The following TRIM33 variants were observed in gnomAD, a reference collection of about 807,000 sequenced individuals.
The protein encoded by TRIM33 is E3 ubiquitin-protein ligase TRIM33.
TRIM33 carries 20 observed loss-of-function variants against 125.4 expected under a neutral mutation model. That is an observed-to-expected ratio of 0.16 (90% CI 0.11 to 0.23). TRIM33 has a LOEUF of 0.23. TRIM33 is among the 10% of genes least tolerant of loss of function. The pLI is 1.00. For missense variants in TRIM33, 920 were observed against 1,411.4 expected (o/e 0.65, Z 5.58); for synonymous variants, 564 against 513.9 (o/e 1.10, Z -1.32).
chr1:114,460,210 T>C (rs887706959), intron 4 of TRIM33: 2 of 208,720 alleles, frequency 9.6e-6, no homozygotes, highest in African/African-American at 2.3e-5. Context: ...GGCACAACTG[T>C]CCACGTAGGC....
intron 1 of TRIM33, among the ~76,000 whole-genome samples, chr1:114,502,932 A>G (rs539091320): frequency 6.6e-6 from 1 of 152,328 alleles, no homozygotes; most frequent in Non-Finnish European, 1.5e-5. Context: ...TTAATAGAAT[A>G]TGGCTGGATA....
At chr1:114,501,235 G>A (rs1473707954) in intron 1 of TRIM33, among the ~76,000 whole-genome samples, 1 of 151,874 alleles carries the variant, frequency 6.6e-6, no homozygotes, top group Admixed American at 6.6e-5. Flanking sequence ...GACTTGGCAG[G>A]CAGTTCTGGC....
chr1:114,468,283 C>G (rs1361682203), intron 1 of TRIM33: 1 of 253,558 alleles, frequency 3.9e-6, no homozygotes, highest in South Asian at 4.3e-5. Flanking sequence ...TGTCTGACTT[C>G]CTGTCTGTGC....
At chr1:114,436,467 T>A (rs7516386) in intron 4 of TRIM33, among the ~76,000 whole-genome samples, 1 of 148,330 alleles carries the variant, frequency 6.7e-6, no homozygotes, top group South Asian at 2.1e-4. Context: ...TTTCAGAGAG[T>A]TTTTTTGTTT....
At chr1:114,434,781 C>G (rs6690560) in intron 4 of TRIM33, among the ~76,000 whole-genome samples, 53,620 of 152,030 alleles carry the variant, frequency 0.35, 10,148 homozygotes, top group African/African-American at 0.46. Context: ...ATATAATTCA[C>G]GTATATATAA....
chr1:114,479,056 C>CA (rs1452077874), intron 1 of TRIM33, among the ~76,000 whole-genome samples: 2 of 151,372 alleles, frequency 1.3e-5, no homozygotes, highest in African/African-American at 2.4e-5. Flanking sequence ...TCTCAAAAAA[C>CA]AAAAAAAGAT....
chr1:114,479,797 G>A (rs963688641), intron 1 of TRIM33, among the ~76,000 whole-genome samples: 3 of 152,154 alleles, frequency 2.0e-5, no homozygotes, highest in Non-Finnish European at 4.4e-5. Flanking sequence ...ATAATTAGCC[G>A]CCCCATCCAG....
At chr1:114,421,239 G>A (rs536488673) in intron 11 of TRIM33, among the ~76,000 whole-genome samples, 197 bp downstream of exon 11, 265 of 152,180 alleles carry the variant, frequency 1.7e-3, no homozygotes, top group African/African-American at 5.7e-3. Context: ...GAGGGTAGGC[G>A]GGGAATGCGG....
In TRIM33 at chr1:114,402,751, G is replaced by T. The variant is rs918587547; in HGVS notation, c.2892+9C>A. 1.2e-6 allele frequency: 2 copies of T among 1,609,186 alleles called. No homozygotes were observed. Among genetic ancestry groups the T allele is most frequent in the Admixed American group, 1.7e-5 (1 of 58,678 alleles). On this transcript the variant is annotated intron_variant, in intron 16 of 19. Coordinates refer to ENST00000358465, the MANE Select transcript of TRIM33 (RefSeq NM_015906.4). ...ATCCCAGTGACAAATCAACTTATTT[G>T]ACACTTACCCTTTGGTCCACGGGGC...
intron 1 of TRIM33, among the ~76,000 whole-genome samples, chr1:114,466,829 G>C (rs1006267101): frequency 2.6e-5 from 4 of 152,188 alleles, no homozygotes; most frequent in Non-Finnish European, 4.4e-5. Flanking sequence ...CTGACCTCAG[G>C]TGACCGATCT....
At chr1:114,473,634 G>A (rs541467796) in intron 1 of TRIM33, among the ~76,000 whole-genome samples, 4 of 152,026 alleles carry the variant, frequency 2.6e-5, no homozygotes, top group Non-Finnish European at 5.9e-5. Context: ...GCATGTGATC[G>A]AAAAAGATTG....
chr1:114,492,492 C>T (rs560062890), intron 1 of TRIM33, among the ~76,000 whole-genome samples: 3 of 151,952 alleles, frequency 2.0e-5, no homozygotes, highest in Non-Finnish European at 4.4e-5. Context: ...TTTTCAAAAC[C>T]TTTTATCATC....
intron 1 of TRIM33, among the ~76,000 whole-genome samples, chr1:114,480,441 C>G (rs1369048621): frequency 7.0e-6 from 1 of 142,906 alleles, no homozygotes; most frequent in Non-Finnish European, 1.5e-5. Flanking sequence ...CCTGCCAAAT[C>G]CCCCTCTGCG....
At chr1:114,402,267 T>A (rs1217734079) in intron 16 of TRIM33, among the ~76,000 whole-genome samples, 2 of 152,188 alleles carry the variant, frequency 1.3e-5, no homozygotes, top group African/African-American at 2.4e-5. Context: ...GAACACTGTT[T>A]AATACAGAAA....
chr1:114,474,824 G>C (rs1055734529), intron 1 of TRIM33, among the ~76,000 whole-genome samples: 1 of 151,132 alleles, frequency 6.6e-6, no homozygotes, highest in African/African-American at 2.4e-5. Flanking sequence ...CCCAGGAGGT[G>C]GAGGTTGTGG....
In TRIM33 at chr1:114,424,723, T is replaced by G; in HGVS notation, c.1728A>C (p.Gln576His). The change falls in exon 10 of 20, where the codon CAA (glutamine) becomes CAC (histidine). Residue 576 changes from glutamine (Q) to histidine (H), a missense_variant. This residue lies in a region of TRIM33 where 407 missense variants were observed against 589.7 expected (regional missense o/e 0.69). Coordinates refer to ENST00000358465, the MANE Select transcript of TRIM33 (RefSeq NM_015906.4). Reference sequence around the variant, plus strand: ...AAGCTCCACAGTTCATGTTGCCTCTTTGCATTGTTTGCACACTGATCAATC... The same window carrying G: ...AAGCTCCACAGTTCATGTTGCCTCTGTGCATTGTTTGCACACTGATCAATC... ...PPRLISVQTM[Q>H]RGNMNCGAFQ... is the part of the protein sequence containing the mutation. 1 of 1,605,232 alleles carries G rather than the reference T, an allele frequency of 6.2e-7. No individual in the cohort carries two copies. The highest frequency in any genetic ancestry group is 8.5e-7 in the Non-Finnish European group (1 of 1,175,734).
chr1:114,393,136 G>A lies in TRIM33; in HGVS notation c.*4512C>T, dbSNP rs1226161968. Reference sequence around the variant, plus strand: ...TAGTACTAGTAGTAATAATAATAATGAGGGGAGGAGACCAATTGAAATACT... The same window carrying A: ...TAGTACTAGTAGTAATAATAATAATAAGGGGAGGAGACCAATTGAAATACT... On this transcript the variant is annotated 3_prime_UTR_variant, in exon 20 of 20. Transcript: ENST00000358465. 4.7e-6 allele frequency: 1 copy of A among 212,724 alleles called. No individual in the cohort carries two copies. The highest frequency in any genetic ancestry group is 1.9e-4 in the South Asian group (1 of 5,366). 13.2% of individuals were successfully genotyped at this position (212,724 alleles called of 1,614,324 possible). A position where few individuals can be genotyped will look rare whatever the true frequency, so the allele number is the denominator to read the frequency against.
intron 4 of TRIM33, among the ~76,000 whole-genome samples, chr1:114,460,607 C>T (rs1210012687): frequency 8.2e-6 from 1 of 122,488 alleles, no homozygotes; most frequent in Admixed American, 1.0e-4. Flanking sequence ...TTTGGTAAAC[C>T]TCTCCTACGG....
intron 15 of TRIM33, among the ~76,000 whole-genome samples, chr1:114,404,084 T>C (rs749205297): frequency 3.9e-5 from 6 of 152,192 alleles, no homozygotes; most frequent in East Asian, 1.9e-4. Flanking sequence ...TGGAGATATA[T>C]AGAGAGATAT....
Sources: allele counts gnomAD v4.1 joint callset (sites outside exome capture counted in the v4.1 genomes callset), GRCh38; gene constraint gnomAD v4.1.1; regional missense constraint gnomAD v4.1.1; transcripts MANE v1.5; gene names NCBI Gene and HGNC (gene_info 2026-07-23, HGNC 2026-07-21).